Variants in CREB5 observed in about 807,000 individuals in gnomAD.
The protein encoded by CREB5 is cAMP responsive element binding protein 5, also known as cyclic AMP-responsive element-binding protein 5.
In CREB5, 19 loss-of-function variants were observed where a neutral mutation model predicts 57.1. The ratio of observed to expected loss-of-function variants is 0.33; its 90% CI spans 0.23 to 0.49. The LOEUF (loss-of-function observed/expected upper bound fraction) is 0.49, where lower values mean the gene tolerates loss of function less well. Among genes scored for constraint, CREB5 ranks in the 20% least tolerant of loss-of-function variants. CREB5 has a pLI of 0.99. For missense variants in CREB5, 579 were observed against 671.6 expected, an observed-to-expected ratio of 0.86 and a Z score of 1.52; for synonymous variants, 238 against 238.3, an observed-to-expected ratio of 1.00 and a Z score of 0.01.
chr7:28,330,578 G>T (rs1785697401), intron 1 of CREB5, among the ~76,000 whole-genome samples: 1 of 150,440 alleles, frequency 6.6e-6, no homozygotes, highest in African/African-American at 2.4e-5. Context: ...CATTTAGTTT[G>T]TAATACGCTT....
chr7:28,335,762 A>T (rs1352915053), intron 1 of CREB5, among the ~76,000 whole-genome samples: 1 of 151,998 alleles, frequency 6.6e-6, no homozygotes, highest in African/African-American at 2.4e-5. Flanking sequence ...TTGAAAATGG[A>T]CATCTTTGTC....
intron 8 of CREB5, among the ~76,000 whole-genome samples, chr7:28,806,104 T>C (rs1311744614): frequency 6.6e-6 from 1 of 152,222 alleles, no homozygotes; most frequent in Non-Finnish European, 1.5e-5. Flanking sequence ...TGGTTGCCTT[T>C]ATGGGCAAGT....
chr7:28,531,371 T>G (rs771254497), intron 4 of CREB5, among the ~76,000 whole-genome samples: 2 of 152,122 alleles, frequency 1.3e-5, no homozygotes, highest in African/African-American at 2.4e-5. Context: ...CTTCGAGTGT[T>G]TTGCTGGCCA....
intron 5 of CREB5, chr7:28,686,030 G>A (rs1282220889): frequency 9.0e-6 from 10 of 1,109,748 alleles, no homozygotes; most frequent in South Asian, 4.3e-5. Context: ...AGAGCTAGGC[G>A]CAAAAGAAGG....
intron 2 of CREB5, among the ~76,000 whole-genome samples, chr7:28,494,351 G>A (rs2128598374): frequency 6.6e-6 from 1 of 152,214 alleles, no homozygotes; most frequent in South Asian, 2.1e-4. Context: ...TGCCTACTTA[G>A]GTAGGCATTA....
intron 1 of CREB5, among the ~76,000 whole-genome samples, chr7:28,357,665 A>G (rs1049459241): frequency 1.3e-4 from 20 of 152,142 alleles, no homozygotes; most frequent in African/African-American, 4.6e-4. Flanking sequence ...GCATGGATGT[A>G]TGTCACTTAG....
intron 1 of CREB5, among the ~76,000 whole-genome samples, chr7:28,330,259 A>G (rs953405146): frequency 6.6e-6 from 1 of 152,154 alleles, no homozygotes; most frequent in Non-Finnish European, 1.5e-5. Flanking sequence ...AAGTGACTCA[A>G]ATTTATAGAT....
Position 28,560,996 on chromosome 7 carries a change from C to CGTGCGTGTG in CREB5, c.292-9369_292-9368insGTGCGTGTG, listed in dbSNP as rs1562798364. On this transcript the variant is annotated intron_variant, in intron 4 of 10. Transcript: ENST00000357727. ...TGCGTGTGTGCGTGCGTGTGTGTGCCTGCGTGTGCGTGTGTGTGTGCGTGT... is the reference window on the plus strand; with the variant it reads ...TGCGTGTGTGCGTGCGTGTGTGTGCCGTGCGTGTGTGCGTGTGCGTGTGTGTGTGCGTGT... Among the ~76,000 whole-genome samples, 16 of 42,342 alleles carry CGTGCGTGTG rather than the reference C, an allele frequency of 3.8e-4. 2 individuals are homozygous for CGTGCGTGTG. Among genetic ancestry groups the CGTGCGTGTG allele is most frequent in the African/African-American group, 1.3e-3 (15 of 11,440 alleles). The allele number at this position is 42,342 out of a possible 152,430, so 27.8% of individuals were successfully genotyped here. A position where few individuals can be genotyped will look rare whatever the true frequency, so the allele number is the denominator to read the frequency against.
chr7:28,707,601 C>T (rs761489188), intron 5 of CREB5, among the ~76,000 whole-genome samples: 19 of 152,132 alleles, frequency 1.2e-4, no homozygotes, highest in East Asian at 1.9e-4. Context: ...TTTAGGACTC[C>T]GAGAGGTTTG....
At chr7:28,550,930 G>C (rs2128633213) in intron 4 of CREB5, among the ~76,000 whole-genome samples, 1 of 152,298 alleles carries the variant, frequency 6.6e-6, no homozygotes, top group African/African-American at 2.4e-5. Flanking sequence ...AACAACGCCG[G>C]CTGAAGGCTT....
In CREB5 at chr7:28,376,629, G is replaced by A. The variant is rs191953379; in HGVS notation, c.-25+77188G>A. The stretch of plus-strand genomic sequence containing the variant: ...AATTTAATGCAGAACTGAAGCCAAA[G>A]GTGAGGTGGTTGGATGAGTGAAGCA... On this transcript the variant is annotated intron_variant, in intron 1 of 9. Coordinates refer to the CREB5 transcript ENST00000396299. Among the ~76,000 whole-genome samples the A allele has an allele frequency of 2.9e-3, 435 of 152,306 alleles. 1 individual carries two copies. Among genetic ancestry groups the A allele is most frequent in the Non-Finnish European group, 2.8e-3 (193 of 68,034 alleles).
rs12112275 is a variant in CREB5 at position 28,436,891 on chromosome 7, C to T, written c.3+23974C>T. Among the ~76,000 whole-genome samples the T allele has an allele frequency of 3.6e-3, 545 of 152,218 alleles. 1 individual carries two copies. Among genetic ancestry groups the T allele is most frequent in the African/African-American group, 0.011 (472 of 41,542 alleles). The stretch of plus-strand genomic sequence containing the variant: ...TGCATTTACTCTGCTACATAAAATT[C>T]TACAGATGGAATTGTGTACTATGCT... On this transcript the variant is annotated intron_variant, in intron 1 of 10. Transcript: ENST00000357727.
At position 28,403,778 on chromosome 7, in the gene CREB5, A is replaced by G. The variant is rs956187589; in HGVS notation, c.-24-91128A>G. Among the ~76,000 whole-genome samples, 8 of 152,176 alleles carry G rather than the reference A, an allele frequency of 5.3e-5. No homozygotes were observed. In the South Asian group the frequency reaches 6.2e-4, roughly 12 times the overall value. ...TGAAAATGCAGGGCCTCTTGTTTAA[A>G]AGGCAAGGGAAAAGTGCCACCGAAG... On this transcript the variant is annotated intron_variant, in intron 1 of 9. Coordinates refer to the CREB5 transcript ENST00000396299.
intron 3 of CREB5, among the ~76,000 whole-genome samples, chr7:28,506,516 C>T (rs1792484869): frequency 6.6e-6 from 1 of 152,152 alleles, no homozygotes; most frequent in South Asian, 2.1e-4. Context: ...AGCATTGAGG[C>T]CTTGGTTATA....
chr7:28,786,413 A>T (rs1363646883), intron 7 of CREB5, among the ~76,000 whole-genome samples: 1 of 151,956 alleles, frequency 6.6e-6, no homozygotes, highest in Non-Finnish European at 1.5e-5. Context: ...CACCTGGCTG[A>T]TTTTTTGGTA....
intron 1 of CREB5, among the ~76,000 whole-genome samples, chr7:28,472,202 G>C (rs1430865407): frequency 1.3e-5 from 2 of 151,232 alleles, no homozygotes; most frequent in Non-Finnish European, 2.9e-5. Flanking sequence ...TGGTTATATG[G>C]GATTGAAAAG....
chr7:28,376,962 C>A (rs1167304696), intron 1 of CREB5, among the ~76,000 whole-genome samples: 1 of 152,224 alleles, frequency 6.6e-6, no homozygotes, highest in Non-Finnish European at 1.5e-5. Flanking sequence ...CCCAATCATA[C>A]AATTATAGGC....
intron 5 of CREB5, among the ~76,000 whole-genome samples, chr7:28,690,284 T>C (rs1238191752): frequency 6.6e-6 from 1 of 152,128 alleles, no homozygotes; most frequent in African/African-American, 2.4e-5. Flanking sequence ...AGAAGAGGCA[T>C]CAATCTCTTC....
intron 4 of CREB5, among the ~76,000 whole-genome samples, chr7:28,568,312 G>A (rs543598516): frequency 6.6e-6 from 1 of 152,190 alleles, no homozygotes; most frequent in Non-Finnish European, 1.5e-5. Context: ...AGTCAAAAAT[G>A]GTTCTGTGCC....
Sources: gnomAD v4.1 joint callset for allele counts (sites outside exome capture counted in the v4.1 genomes callset) on GRCh38, gnomAD v4.1.1 for gene constraint, MANE v1.5 for transcripts, NCBI Gene and HGNC (gene_info 2026-07-23, HGNC 2026-07-21) for gene names.